Variants in COTL1 observed in about 807,000 individuals in gnomAD.
COTL1 encodes coactosin-like protein.
In COTL1, 15 loss-of-function variants were observed where a neutral mutation model predicts 16.5. That is an observed-to-expected ratio of 0.91 (90% confidence interval 0.61 to 1.40). The LOEUF is 1.40. COTL1 is among the 40% of genes most tolerant of loss of function. The probability of loss-of-function intolerance (pLI) is 0.00; values close to 1 mark genes in which losing one functional copy is unlikely to be tolerated. For missense variants in COTL1, 220 were observed against 201.5 expected, an observed-to-expected ratio of 1.09 and a Z score of -0.56; for synonymous variants, 112 against 85.3, an observed-to-expected ratio of 1.31 and a Z score of -1.73.
intron 3 of COTL1, chr16:84,567,372 C>CA (rs1206497055): frequency 3.2e-5 from 5 of 156,574 alleles, no homozygotes; most frequent in South Asian, 1.8e-4. Context: ...GCAGGCACTC[C>CA]AAAAAAAAGA....
chr16:84,576,852 C>T (rs1328976379), intron 3 of COTL1: 1 of 152,312 alleles, frequency 6.6e-6, no homozygotes, highest in Non-Finnish European at 1.5e-5. Context: ...CAAACCCTCA[C>T]AACACGGTGT....
chr16:84,613,581 G>A (rs919546460), intron 2 of COTL1, among the ~76,000 whole-genome samples: 1 of 152,152 alleles, frequency 6.6e-6, no homozygotes, highest in Non-Finnish European at 1.5e-5. Flanking sequence ...GGGGCAGAAG[G>A]GAGCCATAGA....
At chr16:84,617,446 G>A (rs986823539) in intron 2 of COTL1, 55 bp downstream of exon 2, 2 of 1,504,034 alleles carry the variant, frequency 1.3e-6, no homozygotes, top group East Asian at 2.5e-5. Flanking sequence ...GGGCTCCCCG[G>A]GTGCAGACAA....
chr16:84,585,936 C>CA (rs1193793682), intron 3 of COTL1, among the ~76,000 whole-genome samples: 1 of 152,230 alleles, frequency 6.6e-6, no homozygotes, highest in Non-Finnish European at 1.5e-5. Flanking sequence ...CTTCTTCATT[C>CA]ACCAGCATCC....
At chr16:84,594,322 G>A (rs1162958343) in intron 2 of COTL1, 3 of 152,380 alleles carry the variant, frequency 2.0e-5, no homozygotes, top group African/African-American at 7.2e-5. Context: ...CACAGGGCGG[G>A]GCTGCCAGGT....
chr16:84,568,425 T>A (rs1167321362), intron 3 of COTL1: 1 of 152,128 alleles, frequency 6.6e-6, no homozygotes, highest in African/African-American at 2.4e-5. Context: ...GAGTGGATTA[T>A]CAAAACACGG....
At chr16:84,600,715 C>T (rs1209178811) in intron 2 of COTL1, among the ~76,000 whole-genome samples, 2 of 152,178 alleles carry the variant, frequency 1.3e-5, no homozygotes, top group African/African-American at 2.4e-5. Flanking sequence ...TGATATCCCA[C>T]GCAGGAGACT....
At chr16:84,610,182 G>C (rs1011884637) in intron 2 of COTL1, among the ~76,000 whole-genome samples, 12 of 152,204 alleles carry the variant, frequency 7.9e-5, no homozygotes, top group African/African-American at 2.9e-4. Flanking sequence ...TCCTTGTCCA[G>C]CCTGGATTCT....
intron 2 of COTL1, chr16:84,595,978 G>A (rs1904997145): frequency 6.6e-6 from 1 of 152,186 alleles, no homozygotes; most frequent in South Asian, 2.1e-4. Context: ...GTGTATATGT[G>A]TGTGTGTATG....
In COTL1 at chr16:84,617,977, G is replaced by A; in HGVS notation, c.-63C>T. The A allele has an allele frequency of 8.0e-7, 1 of 1,246,726 alleles. No homozygotes were observed. Among genetic ancestry groups the A allele is most frequent in the Non-Finnish European group, 1.0e-6 (1 of 954,504 alleles). The allele number at this position is 1,246,726 out of a possible 1,614,324, so 77.2% of individuals were successfully genotyped here. A position where few individuals can be genotyped will look rare whatever the true frequency, so the allele number is the denominator to read the frequency against. On this transcript the variant is annotated 5_prime_UTR_variant, in exon 1 of 4. Transcript: ENST00000262428. ...CGAGCGCGCCCCTGGCCGGCGGCGG[G>A]GATGGGAGCGCGGCGGGTACGCGCC...
intron 3 of COTL1, among the ~76,000 whole-genome samples, chr16:84,573,754 T>TAC (rs1904386625): frequency 9.9e-6 from 1 of 100,662 alleles, no homozygotes; most frequent in Admixed American, 1.1e-4. Flanking sequence ...AAAAAAAAAA[T>TAC]ATATATATAT....
At chr16:84,614,230 C>G (rs1685843631) in intron 2 of COTL1, among the ~76,000 whole-genome samples, 1 of 152,216 alleles carries the variant, frequency 6.6e-6, no homozygotes, top group African/African-American at 2.4e-5. Flanking sequence ...AGCTATGGAG[C>G]AAGAAGCAAG....
intron 2 of COTL1, among the ~76,000 whole-genome samples, chr16:84,614,072 T>C (rs547657375): frequency 1.1e-3 from 161 of 152,278 alleles, no homozygotes; most frequent in African/African-American, 3.6e-3. Context: ...GAGGAGAGGC[T>C]GTTTGGAGTT....
At chr16:84,602,395 C>CT (rs903663134) in intron 2 of COTL1, among the ~76,000 whole-genome samples, 1 of 142,938 alleles carries the variant, frequency 7.0e-6, no homozygotes, top group Non-Finnish European at 1.5e-5. Flanking sequence ...TCTCAAAAAA[C>CT]TTTTTTTCTT....
At chr16:84,614,013 C>T (rs1359260315) in intron 2 of COTL1, among the ~76,000 whole-genome samples, 1 of 152,204 alleles carries the variant, frequency 6.6e-6, no homozygotes, top group African/African-American at 2.4e-5. Context: ...TAAACCTCCC[C>T]CCTCCCCGCA....
At chr16:84,607,023 A>T (rs1366752) in intron 2 of COTL1, among the ~76,000 whole-genome samples, 3 of 152,014 alleles carry the variant, frequency 2.0e-5, no homozygotes, top group Non-Finnish European at 4.4e-5. Flanking sequence ...TCAAGGGAGC[A>T]ACACACCCAT....
At chr16:84,602,494 C>T (rs963173417) in intron 2 of COTL1, among the ~76,000 whole-genome samples, 4 of 151,628 alleles carry the variant, frequency 2.6e-5, no homozygotes, top group African/African-American at 9.7e-5. Context: ...AATGAATAGA[C>T]AGGCAGGAAC....
At chr16:84,611,552 C>G (rs1355596569) in intron 2 of COTL1, among the ~76,000 whole-genome samples, 1 of 152,196 alleles carries the variant, frequency 6.6e-6, no homozygotes, top group Non-Finnish European at 1.5e-5. Flanking sequence ...AATAAAATGT[C>G]AGCTCCACGA....
At chr16:84,611,337 T>A (rs1313556717) in intron 2 of COTL1, among the ~76,000 whole-genome samples, 2 of 152,192 alleles carry the variant, frequency 1.3e-5, no homozygotes. Flanking sequence ...CAATGTCACA[T>A]TTGTATGAGA....
Sources: allele counts gnomAD v4.1 joint callset (sites outside exome capture counted in the v4.1 genomes callset), GRCh38; gene constraint gnomAD v4.1.1; transcripts MANE v1.5; gene names NCBI Gene and HGNC (gene_info 2026-07-23, HGNC 2026-07-21).